TCF20: variants seen among roughly 807,000 people sequenced by gnomAD.
The protein encoded by TCF20 is transcription factor 20.
TCF20 carries 3 observed loss-of-function variants against 148.6 expected under a neutral mutation model. The observed-to-expected ratio is 0.02, with a 90% confidence interval of 0.01 to 0.05. The LOEUF (loss-of-function observed/expected upper bound fraction) is 0.05. Ranked by LOEUF, TCF20 falls within the 10% of genes least tolerant of loss-of-function variation. The pLI, the probability that TCF20 is intolerant of heterozygous loss-of-function variation, is 1.00. For synonymous variants in TCF20, 1,049 were observed against 909.5 expected (o/e 1.15, Z -2.76); for missense variants, 2,350 against 2,429.3 (o/e 0.97, Z 0.69).
In TCF20 at chr22:42,245,297, TG is replaced by T. The variant is rs142030497; in HGVS notation, c.-37+25041del. Among the ~76,000 whole-genome samples, 438 of 152,200 alleles carry T rather than the reference TG, an allele frequency of 2.9e-3. 6 individuals are homozygous for T. The highest frequency in any genetic ancestry group is 1.0e-2 in the African/African-American group (414 of 41,516). On this transcript the variant is annotated intron_variant, in intron 1 of 5. Coordinates refer to ENST00000677622, the MANE Select transcript of TCF20 (RefSeq NM_001378418.1). ...CGAGGTCTCACTATGCTGCCCAGGC[TG>T]GTCTCCAACACCTGGGTTCAAGTGA...
intron 1 of TCF20, among the ~76,000 whole-genome samples, chr22:42,309,243 C>T (rs937290566): frequency 3.9e-5 from 6 of 152,130 alleles, no homozygotes; most frequent in Non-Finnish European, 8.8e-5. Flanking sequence ...AGCAAGTGCT[C>T]CCCAAGGTCT....
At chr22:42,209,463 A>G (rs1920923455) in intron 2 of TCF20, among the ~76,000 whole-genome samples, 188 bp downstream of exon 2, 1 of 152,252 alleles carries the variant, frequency 6.6e-6, no homozygotes, top group African/African-American at 2.4e-5. Context: ...ACATTTCAAA[A>G]AATGAAAAAC....
rs528591330 is a variant in TCF20, at chr22:42,297,753, A to G, written c.-37+45726T>C. Among the ~76,000 whole-genome samples the G allele has an allele frequency of 5.4e-4, 82 of 152,252 alleles. No homozygotes were observed. Among genetic ancestry groups the G allele is most frequent in the African/African-American group, 1.9e-3 (78 of 41,548 alleles). On this transcript the variant is annotated intron_variant, in intron 1 of 1. Coordinates refer to the TCF20 transcript ENST00000515426. The surrounding 1 kb of genome is among the most constrained non-coding windows in gnomAD (Gnocchi z 4.3). Reference sequence around the variant, plus strand: ...CCCCTCTTGCCCCACAAACCACAACAGAAGGCCTCGGGTCGCATCCCCCCA... The same window carrying G: ...CCCCTCTTGCCCCACAAACCACAACGGAAGGCCTCGGGTCGCATCCCCCCA...
rs534534126 is a variant in TCF20, at chr22:42,242,662, G to A, written c.-36-27321C>T. Reference sequence around the variant, plus strand: ...AGCACTTTGGGAGGCTGAGGCACGCGGATCACCTGAGGTCAGGAGTTCAAG... The same window carrying A: ...AGCACTTTGGGAGGCTGAGGCACGCAGATCACCTGAGGTCAGGAGTTCAAG... On this transcript the variant is annotated intron_variant, in intron 1 of 5. Coordinates refer to ENST00000677622, the MANE Select transcript of TCF20 (RefSeq NM_001378418.1). 3.3e-4 allele frequency among the ~76,000 whole-genome samples: 50 copies of A among 152,018 alleles called. 1 individual carries two copies. In the South Asian group the frequency reaches 7.3e-3, roughly 22 times the overall value.
At chr22:42,195,536 T>A (rs1287758818) in intron 2 of TCF20, among the ~76,000 whole-genome samples, 1 of 151,474 alleles carries the variant, frequency 6.6e-6, no homozygotes. Context: ...GTTTCGCTCT[T>A]GTCACCCAGG....
At chr22:42,169,120 A>G (rs779553197) in intron 4 of TCF20, among the ~76,000 whole-genome samples, 2 of 150,730 alleles carry the variant, frequency 1.3e-5, no homozygotes, top group African/African-American at 2.4e-5. Flanking sequence ...GCGAGTGACC[A>G]GTGACCACCA....
At chr22:42,331,755 C>T (rs1199157526) in intron 1 of TCF20, among the ~76,000 whole-genome samples, 1 of 152,242 alleles carries the variant, frequency 6.6e-6, no homozygotes, top group East Asian at 1.9e-4. Context: ...ATGGTCACTA[C>T]CCTGCGCAGC....
At chr22:42,332,294 G>C (rs1181960389) in intron 1 of TCF20, among the ~76,000 whole-genome samples, 1 of 152,180 alleles carries the variant, frequency 6.6e-6, no homozygotes, top group Non-Finnish European at 1.5e-5. Context: ...AAGGCCCTGA[G>C]GTAGGAAGCA....
At chr22:42,260,947 T>C (rs902281342) in intron 1 of TCF20, among the ~76,000 whole-genome samples, 1 of 152,242 alleles carries the variant, frequency 6.6e-6, no homozygotes, top group Non-Finnish European at 1.5e-5. Flanking sequence ...TAATCAGTTT[T>C]GATGAATGCC....
chr22:42,304,033 T>C (rs1927388427), intron 1 of TCF20, among the ~76,000 whole-genome samples: 1 of 151,574 alleles, frequency 6.6e-6, no homozygotes, highest in East Asian at 1.9e-4. Context: ...CCCACCCCCC[T>C]GCCGCAAGAA....
intron 3 of TCF20, among the ~76,000 whole-genome samples, chr22:42,170,500 TAA>T (rs76842215): frequency 2.2e-5 from 3 of 135,250 alleles, no homozygotes; most frequent in Admixed American, 7.5e-5. Flanking sequence ...AAAACTGTCT[TAA>T]AAAAAAAAAA....
intron 1 of TCF20, among the ~76,000 whole-genome samples, chr22:42,318,572 C>T (rs913680248): frequency 2.0e-5 from 3 of 152,074 alleles, no homozygotes; most frequent in Non-Finnish European, 4.4e-5. Context: ...GGAGCAGGCC[C>T]GGGCCAGGCA....
In TCF20 at chr22:42,305,663, C is replaced by A. The variant is rs1253205809; in HGVS notation, c.-37+37816G>T. On this transcript the variant is annotated intron_variant, in intron 1 of 1. Coordinates refer to the TCF20 transcript ENST00000515426. The stretch of plus-strand genomic sequence containing the variant: ...CTTTCCCAGCCACCTCCCATTCGTC[C>A]TTCCAGACCCTGGCCTCCCCAGACT... 2.6e-5 allele frequency among the ~76,000 whole-genome samples: 4 copies of A among 152,330 alleles called. No homozygotes were observed. The East Asian group carries it at 7.7e-4, about 29-fold the overall frequency.
chr22:42,285,688 G>T (rs1046264839), upstream of TCF20, among the ~76,000 whole-genome samples: 2 of 151,838 alleles, frequency 1.3e-5, no homozygotes, highest in Non-Finnish European at 2.9e-5. This position sits in a 1 kb window ranked among gnomAD's most constrained non-coding sequence, Gnocchi z 4.2. Flanking sequence ...GCCTAAGCTG[G>T]TCTCGAACTC....
chr22:42,248,831 T>A (rs1158669028), intron 1 of TCF20, among the ~76,000 whole-genome samples: 4 of 152,146 alleles, frequency 2.6e-5, no homozygotes, highest in Admixed American at 2.6e-4. Flanking sequence ...ATCTGGAAAT[T>A]AAGTATGGTT....
intron 1 of TCF20, among the ~76,000 whole-genome samples, chr22:42,249,850 A>G (rs1925219793): frequency 6.6e-6 from 1 of 152,220 alleles, no homozygotes; most frequent in South Asian, 2.1e-4. Context: ...TAAATTGTGT[A>G]GAGACTTTTG....
At chr22:42,244,683 C>T (rs1478772672) in intron 1 of TCF20, among the ~76,000 whole-genome samples, 1 of 152,062 alleles carries the variant, frequency 6.6e-6, no homozygotes, top group African/African-American at 2.4e-5. Context: ...TACTTTGGGA[C>T]TAGATACAGG....
intron 1 of TCF20, among the ~76,000 whole-genome samples, chr22:42,236,969 G>A (rs1278105662): frequency 2.0e-5 from 3 of 152,120 alleles, no homozygotes; most frequent in South Asian, 4.1e-4. Flanking sequence ...TGCTGACGGA[G>A]GGTCTTGCCT....
chr22:42,242,020 G>A (rs760648755), intron 1 of TCF20, among the ~76,000 whole-genome samples: 2 of 151,810 alleles, frequency 1.3e-5, no homozygotes, highest in Non-Finnish European at 2.9e-5. Flanking sequence ...GGCTAACACA[G>A]TGAAACCCCG....
Sources: gnomAD v4.1 joint callset for allele counts (sites outside exome capture counted in the v4.1 genomes callset) on GRCh38, gnomAD v4.1.1 for gene constraint, Gnocchi (gnomAD v3.1) non-coding constraint, MANE v1.5 for transcripts, NCBI Gene and HGNC (gene_info 2026-07-23, HGNC 2026-07-21) for gene names.